The following GTF2IRD1 variants were observed in gnomAD, a reference collection of about 807,000 sequenced individuals.
GTF2IRD1 encodes general transcription factor II-I repeat domain-containing protein 1.
In GTF2IRD1, 26 loss-of-function variants were observed where a neutral mutation model predicts 113.2. That is an observed-to-expected ratio of 0.23 (90% CI 0.17 to 0.32). The LOEUF is 0.32. GTF2IRD1 is among the 10% of genes least tolerant of loss of function. GTF2IRD1 has a pLI of 1.00. For missense variants in GTF2IRD1, 864 were observed against 1,280.8 expected (o/e 0.67, Z 4.97); for synonymous variants, 484 against 529.1 (o/e 0.91, Z 1.17).
chr7:74,453,976 C>T lies in GTF2IRD1; in HGVS notation c.-207C>T, dbSNP rs1201749134. The T allele has an allele frequency of 6.1e-5, 9 of 148,266 alleles. No homozygotes were observed. Among genetic ancestry groups the T allele is most frequent in the Non-Finnish European group, 1.4e-4 (9 of 66,452 alleles). The allele number at this position is 148,266 out of a possible 1,614,324, so 9.2% of individuals were successfully genotyped here. ...GGGGTGGGGGCCGCCGAGCGCCAGC[C>T]CCCCGGCCGGCCGATTCCCCCCCCG... On this transcript the variant is annotated 5_prime_UTR_variant, in exon 1 of 27. Transcript: ENST00000424337.
At chr7:74,511,320 C>T (rs1392384299) in intron 2 of GTF2IRD1, among the ~76,000 whole-genome samples, 2 of 152,152 alleles carry the variant, frequency 1.3e-5, no homozygotes, top group African/African-American at 4.8e-5. Flanking sequence ...CGTCACCCGC[C>T]CCCAATCTCA....
intron 25 of GTF2IRD1, among the ~76,000 whole-genome samples, chr7:74,599,363 C>T (rs587747405): frequency 2.6e-5 from 4 of 152,272 alleles, no homozygotes; most frequent in South Asian, 4.1e-4. Context: ...CAAAGTCTTA[C>T]ATCTTCACCT....
chr7:74,460,271 A>G (rs754442908), intron 1 of GTF2IRD1, among the ~76,000 whole-genome samples: 7 of 144,294 alleles, frequency 4.9e-5, no homozygotes, highest in Non-Finnish European at 7.6e-5. Flanking sequence ...TTTCATTTTT[A>G]TTTTATTCTA....
At chr7:74,504,052 G>GA (rs1269432371) in intron 1 of GTF2IRD1, among the ~76,000 whole-genome samples, 1 of 152,178 alleles carries the variant, frequency 6.6e-6, no homozygotes, top group African/African-American at 2.4e-5. Flanking sequence ...GGATAATGAT[G>GA]TCCAGCTACT....
At chr7:74,482,082 T>G (rs1794769006) in intron 1 of GTF2IRD1, among the ~76,000 whole-genome samples, 1 of 152,098 alleles carries the variant, frequency 6.6e-6, no homozygotes, top group Admixed American at 6.6e-5. Flanking sequence ...CAGAGGAGGC[T>G]GGAGGTGGAG....
chr7:74,540,296 G>T (rs1291491839), intron 14 of GTF2IRD1, among the ~76,000 whole-genome samples: 1 of 152,108 alleles, frequency 6.6e-6, no homozygotes, highest in East Asian at 1.9e-4. Context: ...ACAGGCATGT[G>T]CCACCATGCC....
chr7:74,550,394 A>G (rs1170341259), intron 17 of GTF2IRD1, among the ~76,000 whole-genome samples: 1 of 151,156 alleles, frequency 6.6e-6, no homozygotes, highest in Non-Finnish European at 1.5e-5. Flanking sequence ...ACAAATTCTC[A>G]GCCTGAGCAA....
At chr7:74,602,187 A>G in intron 26 of GTF2IRD1, 178 bp from the exon 27 acceptor site, 1 of 597,376 alleles carries the variant, frequency 1.7e-6, no homozygotes, top group Non-Finnish European at 2.5e-6. Context: ...GGTTGCAGTG[A>G]GCCGAGATTG....
At chr7:74,475,763 T>A (rs1794364926) in intron 1 of GTF2IRD1, among the ~76,000 whole-genome samples, 2 of 152,170 alleles carry the variant, frequency 1.3e-5, no homozygotes, top group South Asian at 4.1e-4. Flanking sequence ...CACACCCAGC[T>A]ACAAAACAAG....
chr7:74,536,406 A>G, intron 11 of GTF2IRD1, 131 bp downstream of exon 11: 1 of 597,442 alleles, frequency 1.7e-6, no homozygotes, highest in Non-Finnish European at 3.0e-6. Context: ...AAGGGAGGGC[A>G]AGGGAAAACA....
At chr7:74,590,489 C>T (rs1362038375) in intron 23 of GTF2IRD1, among the ~76,000 whole-genome samples, 1 of 150,654 alleles carries the variant, frequency 6.6e-6, no homozygotes, top group Non-Finnish European at 1.5e-5. Context: ...CCTGGGTTCA[C>T]GTCATTCTCC....
chr7:74,560,573 ATAT>A (rs1799892868), intron 22 of GTF2IRD1, among the ~76,000 whole-genome samples: 1 of 147,704 alleles, frequency 6.8e-6, no homozygotes. Context: ...ATAATAAAAA[ATAT>A]TATATAGAGA....
intron 1 of GTF2IRD1, among the ~76,000 whole-genome samples, chr7:74,489,479 A>T (rs1236534188): frequency 6.6e-6 from 1 of 152,072 alleles, no homozygotes; most frequent in African/African-American, 2.4e-5. Flanking sequence ...AGTAGCTGGG[A>T]TTACAGGCAT....
chr7:74,514,873 A>G (rs1796835106), intron 3 of GTF2IRD1, among the ~76,000 whole-genome samples: 3 of 151,890 alleles, frequency 2.0e-5, no homozygotes, highest in Non-Finnish European at 4.4e-5. Flanking sequence ...CCTGGCCAAC[A>G]TGGTGAGACC....
chr7:74,527,939 G>A (rs1196841474), intron 8 of GTF2IRD1, among the ~76,000 whole-genome samples: 1 of 152,228 alleles, frequency 6.6e-6, no homozygotes, highest in Non-Finnish European at 1.5e-5. Flanking sequence ...AACAGAGCAA[G>A]TAGCCTGGGC....
Position 74,536,208 on chromosome 7 carries a change from A to AGCCC in GTF2IRD1, c.1346_1349dup (p.Glu451AlafsTer10). The AGCCC allele has an allele frequency of 6.2e-7, 1 of 1,613,880 alleles. No individual in the cohort carries two copies. Among genetic ancestry groups the AGCCC allele is most frequent in the Non-Finnish European group, 8.5e-7 (1 of 1,179,824 alleles). On this transcript the variant is annotated frameshift_variant, in exon 11 of 27. Coordinates refer to ENST00000424337, the MANE Select transcript of GTF2IRD1 (RefSeq NM_005685.4). LOFTEE classifies it high-confidence loss of function. ...AGACACCACGAAGCTGGAGCCAGCCAGCCCGCCAGAGGACACCTCTGCAGA... is the reference window on the plus strand; with the variant it reads ...AGACACCACGAAGCTGGAGCCAGCCAGCCCGCCCGCCAGAGGACACCTCTGCAGA...
At chr7:74,491,284 T>G (rs1482551784) in intron 1 of GTF2IRD1, among the ~76,000 whole-genome samples, 3 of 147,518 alleles carry the variant, frequency 2.0e-5, no homozygotes, top group Admixed American at 6.9e-5. Context: ...CCAGCCTGGG[T>G]GACAGAGTGA....
At chr7:74,495,383 C>T (rs782760285) in intron 1 of GTF2IRD1, among the ~76,000 whole-genome samples, 4 of 152,226 alleles carry the variant, frequency 2.6e-5, no homozygotes, top group African/African-American at 4.8e-5. Flanking sequence ...CCACCACGGA[C>T]GTCACACCCC....
intron 9 of GTF2IRD1, 131 bp downstream of exon 9, chr7:74,530,048 A>G: frequency 1.6e-6 from 1 of 610,422 alleles, no homozygotes; most frequent in Non-Finnish European, 2.8e-6. Flanking sequence ...CGTCTCTATT[A>G]ACAATACAAA....
Sources: gnomAD v4.1 joint callset for allele counts (sites outside exome capture counted in the v4.1 genomes callset) on GRCh38, gnomAD v4.1.1 for gene constraint, MANE v1.5 for transcripts, NCBI Gene and HGNC (gene_info 2026-07-23, HGNC 2026-07-21) for gene names.